RCSD1: variants seen among roughly 807,000 people sequenced by gnomAD.
The protein encoded by RCSD1 is RCSD domain containing 1.
RCSD1 carries 26 observed loss-of-function variants against 42.5 expected under a neutral mutation model. The observed-to-expected ratio is 0.61, with a 90% CI of 0.45 to 0.85. The LOEUF is 0.85. Among genes scored for constraint, RCSD1 ranks in the 40% least tolerant of loss-of-function variants. The pLI is 0.00. For missense variants in RCSD1, 571 were observed against 528.3 expected, an observed-to-expected ratio of 1.08 and a Z score of -0.79; for synonymous variants, 220 against 212.2, an observed-to-expected ratio of 1.04 and a Z score of -0.32.
At chr1:167,634,552 AG>A (rs2102192217) in intron 1 of RCSD1, among the ~76,000 whole-genome samples, 1 of 152,336 alleles carries the variant, frequency 6.6e-6, no homozygotes, top group East Asian at 1.9e-4. Flanking sequence ...AGGTGTGTAA[AG>A]AAGGAGCTGG....
At chr1:167,635,266 T>A (rs1353991335) in intron 1 of RCSD1, among the ~76,000 whole-genome samples, 8 of 152,172 alleles carry the variant, frequency 5.3e-5, no homozygotes, top group Non-Finnish European at 1.2e-4. Context: ...CCTCTGAAGC[T>A]AGAGTTTGGC....
chr1:167,632,700 TCA>T (rs1657737365), intron 1 of RCSD1, among the ~76,000 whole-genome samples: 1 of 9,594 alleles, frequency 1.0e-4, no homozygotes, highest in African/African-American at 1.8e-4. Context: ...ATCCAGTAGG[TCA>T]CTAAGCCTAG....
In RCSD1 at chr1:167,707,647, CT is replaced by C. The variant is rs1187553901; in HGVS notation, c.*2952del. Among the ~76,000 whole-genome samples the C allele has an allele frequency of 6.8e-6, 1 of 147,986 alleles. No homozygotes were observed. Among genetic ancestry groups the C allele is most frequent in the African/African-American group, 2.5e-5 (1 of 39,462 alleles). On this transcript the variant is annotated 3_prime_UTR_variant, in exon 7 of 7. Transcript: ENST00000367854. The stretch of plus-strand genomic sequence containing the variant: ...CCTTAATAGTTGCAGCCAAGGCTGT[CT>C]CTTTTTTCTCTTCTTTTCTCTTCTT...
chr1:167,646,458 A>G (rs1658149134), intron 1 of RCSD1, among the ~76,000 whole-genome samples: 2 of 151,952 alleles, frequency 1.3e-5, no homozygotes, highest in Non-Finnish European at 2.9e-5. Flanking sequence ...AAAAAAAAAA[A>G]AAAAAAAAGA....
At chr1:167,701,084 A>C (rs982222252) in intron 6 of RCSD1, among the ~76,000 whole-genome samples, 2 of 152,158 alleles carry the variant, frequency 1.3e-5, no homozygotes, top group African/African-American at 4.8e-5. Context: ...AGCCTTGGGC[A>C]GGGGAAGAGA....
chr1:167,666,729 C>A (rs1485198022), intron 1 of RCSD1, among the ~76,000 whole-genome samples: 1 of 152,182 alleles, frequency 6.6e-6, no homozygotes, highest in Non-Finnish European at 1.5e-5. Flanking sequence ...GCTGAACACC[C>A]AACAGTCTTC....
At chr1:167,656,247 C>G (rs535327037) in intron 1 of RCSD1, among the ~76,000 whole-genome samples, 3 of 152,058 alleles carry the variant, frequency 2.0e-5, no homozygotes, top group African/African-American at 7.2e-5. Flanking sequence ...CAACCTGTCT[C>G]GAGTTCTATG....
intron 1 of RCSD1, among the ~76,000 whole-genome samples, chr1:167,673,495 A>T (rs140466103): frequency 3.6e-4 from 55 of 152,344 alleles, no homozygotes; most frequent in African/African-American, 1.3e-3. Context: ...GGAAGCTCAC[A>T]GTGAGTGTTG....
chr1:167,633,153 A>G (rs771167357), intron 1 of RCSD1, among the ~76,000 whole-genome samples: 2 of 152,244 alleles, frequency 1.3e-5, no homozygotes, highest in Non-Finnish European at 2.9e-5. Context: ...TGTTACCATT[A>G]TCAACAACAT....
intron 4 of RCSD1, among the ~76,000 whole-genome samples, chr1:167,692,769 A>C (rs16859432): frequency 0.038 from 5,854 of 152,210 alleles, 178 homozygotes; most frequent in African/African-American, 0.078. Context: ...TACCTTCTTT[A>C]TTAAGATCAC....
Position 167,685,482 on chromosome 1 carries a change from A to G in RCSD1, c.170A>G (p.Lys57Arg), listed in dbSNP as rs918565902. 2.7e-5 allele frequency: 43 copies of G among 1,613,690 alleles called. No individual in the cohort carries two copies. Among genetic ancestry groups the G allele is most frequent in the Non-Finnish European group, 3.6e-5 (43 of 1,179,876 alleles). The change falls in exon 3 of 7, where the codon AAG becomes AGG. Residue 57 changes from lysine (K) to arginine (R), a missense_variant. By Grantham distance (26) the Lys-to-Arg change is conservative. Coordinates refer to ENST00000367854, the MANE Select transcript of RCSD1 (RefSeq NM_052862.4). ...TGTTCCCTCCCCCTGTTCCCCCCCAAGGTAGACCTGGGCCAGAATGGTGAG... is the reference window on the plus strand; with the variant it reads ...TGTTCCCTCCCCCTGTTCCCCCCCAGGGTAGACCTGGGCCAGAATGGTGAG... ...PPCSLPLFPPKVDLGQNGEEK... is the reference protein window; with the variant it reads ...PPCSLPLFPPRVDLGQNGEEK...
intron 1 of RCSD1, among the ~76,000 whole-genome samples, chr1:167,666,965 C>A (rs545169589): frequency 6.6e-6 from 1 of 152,338 alleles, no homozygotes; most frequent in East Asian, 1.9e-4. Flanking sequence ...AGATTGGAGA[C>A]CCCTGCAATA....
At chr1:167,692,186 T>C (rs1329262433) in intron 4 of RCSD1, among the ~76,000 whole-genome samples, 1 of 152,230 alleles carries the variant, frequency 6.6e-6, no homozygotes, top group Non-Finnish European at 1.5e-5. Context: ...GGAAACTTAC[T>C]TCGTTGGGAA....
At chr1:167,663,985 GT>G (rs1316787363) in intron 1 of RCSD1, 4 of 152,194 alleles carry the variant, frequency 2.6e-5, no homozygotes, top group Non-Finnish European at 4.4e-5. Flanking sequence ...GCTCAATAAG[GT>G]CAAGTGTCTT....
intron 4 of RCSD1, among the ~76,000 whole-genome samples, chr1:167,692,796 C>A (rs1254895471): frequency 2.0e-5 from 3 of 152,174 alleles, no homozygotes; most frequent in Non-Finnish European, 4.4e-5. Context: ...AACACTAACA[C>A]CCTTCTAAAC....
chr1:167,644,628 G>A (rs1658089088), intron 1 of RCSD1, among the ~76,000 whole-genome samples: 1 of 152,102 alleles, frequency 6.6e-6, no homozygotes, highest in Admixed American at 6.5e-5. Context: ...GTAGGAAATG[G>A]GAAGGAGAGC....
rs116778401 is a variant in RCSD1 at position 167,638,931 on chromosome 1, G to A, written c.6+8502G>A. Among the ~76,000 whole-genome samples, 217 of 152,238 alleles carry A rather than the reference G, an allele frequency of 1.4e-3. 1 individual carries two copies. Among genetic ancestry groups the A allele is most frequent in the African/African-American group, 5.1e-3 (210 of 41,542 alleles). Reference sequence around the variant, plus strand: ...AGCCAAGTCAAGAGTTAAAACCAAGGTCCTGGTCGGGGGCGGTGGCTTATG... The same window carrying A: ...AGCCAAGTCAAGAGTTAAAACCAAGATCCTGGTCGGGGGCGGTGGCTTATG... On this transcript the variant is annotated intron_variant, in intron 1 of 6. Coordinates refer to ENST00000367854, the MANE Select transcript of RCSD1 (RefSeq NM_052862.4).
At chr1:167,631,554 A>G (rs1397173445) in intron 1 of RCSD1, among the ~76,000 whole-genome samples, 2 of 152,110 alleles carry the variant, frequency 1.3e-5, no homozygotes, top group Non-Finnish European at 2.9e-5. Context: ...GCACAATCTC[A>G]GCTCACTGCA....
At chr1:167,667,068 A>G (rs1326370701) in intron 1 of RCSD1, among the ~76,000 whole-genome samples, 1 of 150,764 alleles carries the variant, frequency 6.6e-6, no homozygotes, top group Non-Finnish European at 1.5e-5. Context: ...GGAAAAGTTT[A>G]TTTTAAAAAC....
Sources: gnomAD v4.1 joint callset for allele counts (sites outside exome capture counted in the v4.1 genomes callset) on GRCh38, gnomAD v4.1.1 for gene constraint, MANE v1.5 for transcripts, NCBI Gene and HGNC (gene_info 2026-07-23, HGNC 2026-07-21) for gene names.